GALNT7: variants seen among roughly 807,000 people sequenced by gnomAD.
GALNT7 encodes polypeptide N-acetylgalactosaminyltransferase 7, also known as N-acetylgalactosaminyltransferase 7.
In GALNT7, 60 loss-of-function variants were observed where a neutral mutation model predicts 82.1. The observed-to-expected ratio is 0.73, with a 90% CI of 0.59 to 0.91. The LOEUF (loss-of-function observed/expected upper bound fraction) is 0.91. Among genes scored for constraint, GALNT7 ranks in the 40% least tolerant of loss-of-function variants. The pLI is 0.00. For missense variants in GALNT7, 660 were observed against 804.2 expected (o/e 0.82, Z 2.17); for synonymous variants, 243 against 275.1 (o/e 0.88, Z 1.15).
chr4:173,307,250 G>T (rs1442614638), intron 8 of GALNT7, among the ~76,000 whole-genome samples: 1 of 152,238 alleles, frequency 6.6e-6, no homozygotes, highest in African/African-American at 2.4e-5. Context: ...TAGAGTGGCT[G>T]GGGAGCTGAG....
intron 1 of GALNT7, among the ~76,000 whole-genome samples, chr4:173,213,386 G>C (rs1037361355): frequency 6.6e-6 from 1 of 151,998 alleles, no homozygotes; most frequent in Non-Finnish European, 1.5e-5. Flanking sequence ...AGATTATCAG[G>C]TTTAAGCAAT....
chr4:173,194,451 G>A (rs1328390998), intron 1 of GALNT7, among the ~76,000 whole-genome samples: 4 of 152,188 alleles, frequency 2.6e-5, no homozygotes, highest in Non-Finnish European at 5.9e-5. Flanking sequence ...CACATTTGCA[G>A]TAATATTCTG....
At chr4:173,249,724 A>AT (rs1734784305) in intron 2 of GALNT7, among the ~76,000 whole-genome samples, 1 of 152,180 alleles carries the variant, frequency 6.6e-6, no homozygotes, top group African/African-American at 2.4e-5. Context: ...ATACTTAAAA[A>AT]TTTTTTTAAA....
chr4:173,219,914 T>G (rs182832189), intron 1 of GALNT7, among the ~76,000 whole-genome samples: 1 of 152,338 alleles, frequency 6.6e-6, no homozygotes, highest in African/African-American at 2.4e-5. Context: ...ATGTATAGAT[T>G]GTGAAGATTT....
intron 1 of GALNT7, among the ~76,000 whole-genome samples, chr4:173,170,558 A>C (rs1731827810): frequency 6.6e-6 from 1 of 152,220 alleles, no homozygotes; most frequent in South Asian, 2.1e-4. Context: ...AATTGATGGT[A>C]ATAAAAAGTA....
At chr4:173,254,345 G>GT (rs1276505948) in intron 2 of GALNT7, among the ~76,000 whole-genome samples, 3 of 152,042 alleles carry the variant, frequency 2.0e-5, no homozygotes, top group Non-Finnish European at 4.4e-5. Flanking sequence ...TGTTTGTGAG[G>GT]TTTTCTTATT....
At chr4:173,226,319 A>G (rs1318434027) in intron 1 of GALNT7, among the ~76,000 whole-genome samples, 1 of 152,206 alleles carries the variant, frequency 6.6e-6, no homozygotes, top group East Asian at 1.9e-4. Context: ...CAGTTGTACC[A>G]GCTTTTAACT....
chr4:173,263,397 C>T (rs903374245), intron 2 of GALNT7, among the ~76,000 whole-genome samples: 1 of 152,128 alleles, frequency 6.6e-6, no homozygotes, highest in Non-Finnish European at 1.5e-5. Context: ...TTAAGATGCT[C>T]ACTTACTCAA....
At position 173,250,810 on chromosome 4, in the gene GALNT7, C is replaced by T. The variant is rs1734820875; in HGVS notation, c.587+2370C>T. Among the ~76,000 whole-genome samples the T allele has an allele frequency of 1.3e-5, 2 of 152,148 alleles. 1 individual carries two copies. Among genetic ancestry groups the T allele is most frequent in the African/African-American group, 4.8e-5 (2 of 41,432 alleles). On this transcript the variant is annotated intron_variant, in intron 2 of 11. Transcript: ENST00000265000. ...CTACTATACTTCTTGCCCACATAGT[C>T]CAGCTGTGCTGGCCTGTCTCAGGTC... is the stretch of plus-strand genomic sequence containing the variant.
In GALNT7 at chr4:173,304,125, T is replaced by A; in HGVS notation, c.1389+7T>A. The stretch of plus-strand genomic sequence containing the variant: ...GTCTTCTCCAACTCTGAAGGTGAGT[T>A]TTTTGGATAAAAGGGGAGGACAGGG... On this transcript the variant is annotated splice_region_variant and intron_variant, in intron 8 of 11. Coordinates refer to ENST00000265000, the MANE Select transcript of GALNT7 (RefSeq NM_017423.3). The A allele has an allele frequency of 6.2e-7, 1 of 1,611,680 alleles. No individual in the cohort carries two copies. The highest frequency in any genetic ancestry group is 8.5e-7 in the Non-Finnish European group (1 of 1,179,144).
At chr4:173,182,481 T>G (rs770764477) in intron 1 of GALNT7, among the ~76,000 whole-genome samples, 11 of 152,162 alleles carry the variant, frequency 7.2e-5, no homozygotes, top group Non-Finnish European at 1.2e-4. Context: ...GGAATTTGAG[T>G]GATTCATTGG....
rs185501414 is a variant in GALNT7 at position 173,171,535 on chromosome 4, C to T, written c.126+2574C>T. 1.3e-3 allele frequency among the ~76,000 whole-genome samples: 202 copies of T among 152,318 alleles called. 1 individual carries two copies. Among genetic ancestry groups the T allele is most frequent in the African/African-American group, 4.6e-3 (192 of 41,562 alleles). On this transcript the variant is annotated intron_variant, in intron 1 of 11. Transcript: ENST00000265000. ...GTCATACACTAAATTCTGTTACAGC[C>T]TTGACAACTTGGGATGGTCCTTTCT...
chr4:173,253,124 C>G (rs368044391), intron 2 of GALNT7, among the ~76,000 whole-genome samples: 1 of 151,980 alleles, frequency 6.6e-6, no homozygotes, highest in Non-Finnish European at 1.5e-5. Flanking sequence ...ATCCCTTGAG[C>G]CTAGGAGGCA....
intron 1 of GALNT7, among the ~76,000 whole-genome samples, chr4:173,212,027 A>T (rs1733298626): frequency 6.6e-6 from 1 of 152,206 alleles, no homozygotes; most frequent in African/African-American, 2.4e-5. Flanking sequence ...GGAGTTCTTC[A>T]TAGGTGAGTC....
chr4:173,227,906 A>T (rs995088776), intron 1 of GALNT7, among the ~76,000 whole-genome samples: 2 of 152,216 alleles, frequency 1.3e-5, no homozygotes, highest in African/African-American at 4.8e-5. Flanking sequence ...ATTGCTAGCT[A>T]TGCCGTGTGT....
intron 1 of GALNT7, among the ~76,000 whole-genome samples, chr4:173,186,495 C>G (rs1732465329): frequency 6.6e-6 from 1 of 152,210 alleles, no homozygotes; most frequent in Admixed American, 6.5e-5. Flanking sequence ...ATCAGAGCTT[C>G]TATGGCTGGG....
intron 8 of GALNT7, among the ~76,000 whole-genome samples, chr4:173,307,112 G>A (rs756571517): frequency 1.3e-5 from 2 of 152,252 alleles, no homozygotes; most frequent in South Asian, 2.1e-4. Context: ...TATAGTGGCA[G>A]TGAGGCATGT....
intron 1 of GALNT7, among the ~76,000 whole-genome samples, chr4:173,242,449 T>C (rs1561169732): frequency 2.0e-5 from 3 of 152,206 alleles, no homozygotes; most frequent in South Asian, 2.1e-4. Context: ...TAAAATATAC[T>C]TGGAAATGGG....
At chr4:173,221,302 A>T (rs998395296) in intron 1 of GALNT7, among the ~76,000 whole-genome samples, 3 of 152,130 alleles carry the variant, frequency 2.0e-5, no homozygotes, top group Admixed American at 6.6e-5. Flanking sequence ...AATGTCTTCT[A>T]TTATTTCAGG....
Sources: allele counts gnomAD v4.1 joint callset (sites outside exome capture counted in the v4.1 genomes callset), GRCh38; gene constraint gnomAD v4.1.1; transcripts MANE v1.5; gene names NCBI Gene and HGNC (gene_info 2026-07-23, HGNC 2026-07-21).